PDE4D: variants seen among roughly 807,000 people sequenced by gnomAD.
The protein encoded by PDE4D is phosphodiesterase 4D, also known as 3',5'-cyclic-AMP phosphodiesterase 4D.
In PDE4D, 24 loss-of-function variants were observed where a neutral mutation model predicts 87.4. The ratio of observed to expected loss-of-function variants is 0.27; its 90% CI spans 0.20 to 0.39. PDE4D has a LOEUF of 0.39. Among genes scored for constraint, PDE4D ranks in the 10% least tolerant of loss-of-function variants. PDE4D has a pLI of 1.00. For missense variants in PDE4D, 714 were observed against 1,041.0 expected, an observed-to-expected ratio of 0.69 and a Z score of 4.32; for synonymous variants, 384 against 383.2, an observed-to-expected ratio of 1.00 and a Z score of -0.02.
intron 1 of PDE4D, chr5:60,460,869 C>A: frequency 5.0e-6 from 2 of 400,408 alleles, no homozygotes; most frequent in Non-Finnish European, 9.0e-6. Flanking sequence ...GATCCCTTTA[C>A]ACTATTAATT....
At chr5:59,552,779 G>A (rs1399915477) in intron 1 of PDE4D, among the ~76,000 whole-genome samples, 5 of 152,012 alleles carry the variant, frequency 3.3e-5, no homozygotes, top group African/African-American at 9.7e-5. Context: ...TTACAGACTC[G>A]GCCTTATTTG....
chr5:60,513,098 G>T (rs1750647222), intron 1 of PDE4D, among the ~76,000 whole-genome samples: 1 of 152,082 alleles, frequency 6.6e-6, no homozygotes, highest in South Asian at 2.1e-4. Flanking sequence ...AATAATGATA[G>T]ATTTAAACAA....
chr5:59,631,180 A>C (rs528278792), intron 1 of PDE4D, among the ~76,000 whole-genome samples: 2 of 152,136 alleles, frequency 1.3e-5, no homozygotes, highest in Non-Finnish European at 2.9e-5. Context: ...GACACTATCA[A>C]TTATGTATTA....
chr5:60,469,671 T>A (rs1477295761), intron 1 of PDE4D, among the ~76,000 whole-genome samples: 1 of 152,190 alleles, frequency 6.6e-6, no homozygotes, highest in Non-Finnish European at 1.5e-5. Flanking sequence ...AATTTTTCAT[T>A]GTTATTATAT....
intron 1 of PDE4D, among the ~76,000 whole-genome samples, chr5:60,406,681 GTTTC>G (rs1488164437): frequency 1.3e-5 from 2 of 152,072 alleles, no homozygotes; most frequent in Non-Finnish European, 2.9e-5. Flanking sequence ...TTACAATTGT[GTTTC>G]TTTATTTTAT....
chr5:59,973,368 C>A (rs896963913), intron 3 of PDE4D, among the ~76,000 whole-genome samples: 27 of 152,148 alleles, frequency 1.8e-4, no homozygotes, highest in African/African-American at 6.0e-4. Context: ...AGTGTTTTAA[C>A]TTTAACCTGG....
At chr5:59,679,629 T>A (rs1748683091) in intron 1 of PDE4D, among the ~76,000 whole-genome samples, 1 of 152,188 alleles carries the variant, frequency 6.6e-6, no homozygotes, top group Non-Finnish European at 1.5e-5. Context: ...AAAGATAACC[T>A]AATGGCAAGG....
chr5:59,928,928 C>A (rs894672605), intron 3 of PDE4D, among the ~76,000 whole-genome samples: 5 of 150,862 alleles, frequency 3.3e-5, no homozygotes, highest in African/African-American at 1.2e-4. Context: ...TATCCCTACT[C>A]ATTTCTGCAA....
At chr5:60,050,082 G>C (rs530802999) in intron 2 of PDE4D, among the ~76,000 whole-genome samples, 1 of 152,190 alleles carries the variant, frequency 6.6e-6, no homozygotes, top group Non-Finnish European at 1.5e-5. Context: ...CGTTTTTTAA[G>C]GCCGTCAGAA....
chr5:60,343,070 G>A (rs1018894735), intron 1 of PDE4D, among the ~76,000 whole-genome samples: 4 of 152,018 alleles, frequency 2.6e-5, no homozygotes, highest in Non-Finnish European at 4.4e-5. Context: ...AACTCTAAAG[G>A]GACTAGGATA....
chr5:59,746,463 G>A (rs143083533), intron 1 of PDE4D, among the ~76,000 whole-genome samples: 19 of 152,090 alleles, frequency 1.2e-4, no homozygotes, highest in East Asian at 5.8e-4. Context: ...CAAAGAAACC[G>A]GCCATCCCAG....
At chr5:60,437,611 T>C (rs1561256462) in intron 1 of PDE4D, among the ~76,000 whole-genome samples, 1 of 152,134 alleles carries the variant, frequency 6.6e-6, no homozygotes, top group Non-Finnish European at 1.5e-5. Context: ...TGAATAGTCT[T>C]AATACACTTG....
chr5:59,787,598 T>C (rs2152639190), intron 1 of PDE4D, among the ~76,000 whole-genome samples: 1 of 152,342 alleles, frequency 6.6e-6, no homozygotes, highest in South Asian at 2.1e-4. Flanking sequence ...GATGGACAGA[T>C]AAATGGATGG....
chr5:59,784,656 A>C (rs2152633972), intron 1 of PDE4D, among the ~76,000 whole-genome samples: 1 of 152,320 alleles, frequency 6.6e-6, no homozygotes, highest in South Asian at 2.1e-4. Flanking sequence ...AAAATGTAAA[A>C]GAAAATACAA....
intron 1 of PDE4D, among the ~76,000 whole-genome samples, chr5:60,265,494 C>T (rs147259849): frequency 5.4e-4 from 82 of 152,298 alleles, no homozygotes; most frequent in Non-Finnish European, 9.6e-4. Context: ...AATTTGTGGT[C>T]AGGCTGTCTG....
chr5:59,242,939 G>GCTCTCAGTGTTAT (rs1350055559), intron 1 of PDE4D, among the ~76,000 whole-genome samples: 4 of 152,102 alleles, frequency 2.6e-5, no homozygotes, highest in Non-Finnish European at 4.4e-5. Context: ...AAAATGATTA[G>GCTCTCAGTGTTAT]CTCTCAGTGT....
intron 1 of PDE4D, among the ~76,000 whole-genome samples, chr5:60,207,537 A>G (rs1212568100): frequency 1.3e-5 from 2 of 152,226 alleles, no homozygotes; most frequent in African/African-American, 4.8e-5. Context: ...ACCTTCTCTC[A>G]TAATTTGTGA....
At chr5:60,156,769 A>G (rs527771130) in intron 2 of PDE4D, among the ~76,000 whole-genome samples, 61 of 152,158 alleles carry the variant, frequency 4.0e-4, no homozygotes, top group African/African-American at 1.4e-3. Context: ...CATTTATTCC[A>G]ATGTTTATGC....
At chr5:59,167,994 A>T (rs1362130566) in intron 5 of PDE4D, among the ~76,000 whole-genome samples, 1 of 152,144 alleles carries the variant, frequency 6.6e-6, no homozygotes, top group Non-Finnish European at 1.5e-5. Context: ...ATAAACACCC[A>T]TCTGTTTTGT....
Sources: allele counts gnomAD v4.1 joint callset (sites outside exome capture counted in the v4.1 genomes callset), GRCh38; gene constraint gnomAD v4.1.1; transcripts MANE v1.5; gene names NCBI Gene and HGNC (gene_info 2026-07-23, HGNC 2026-07-21).